Variants in ADAMTSL1 observed in about 807,000 individuals in gnomAD.
ADAMTSL1 encodes the protein ADAMTS-like protein 1.
Under a neutral mutation model 201.8 loss-of-function variants are expected in ADAMTSL1, and 126 were observed. The observed-to-expected ratio is 0.62, with a 90% CI of 0.54 to 0.72. The LOEUF (loss-of-function observed/expected upper bound fraction) is 0.72, where lower values mean the gene tolerates loss of function less well. Among genes scored for constraint, ADAMTSL1 ranks in the 30% least tolerant of loss-of-function variants. The pLI, the probability that ADAMTSL1 is intolerant of heterozygous loss-of-function variation, is 0.00. For missense variants in ADAMTSL1, 2,679 were observed against 2,277.8 expected (o/e 1.18, Z -3.59); for synonymous variants, 1,121 against 903.4 (o/e 1.24, Z -4.32).
chr9:18,044,173 G>C (rs1041961241), intron 1 of ADAMTSL1, among the ~76,000 whole-genome samples: 1 of 151,640 alleles, frequency 6.6e-6, no homozygotes, highest in African/African-American at 2.4e-5. Context: ...TTTGGTCAGA[G>C]GAAATTCACT....
chr9:18,675,365 C>G (rs906496098), intron 9 of ADAMTSL1, among the ~76,000 whole-genome samples: 3 of 152,122 alleles, frequency 2.0e-5, no homozygotes, highest in Non-Finnish European at 4.4e-5. Flanking sequence ...AGAGAAGAAA[C>G]CTAGCTAATG....
chr9:18,296,807 G>T (rs1235701567), intron 2 of ADAMTSL1, among the ~76,000 whole-genome samples: 2 of 152,156 alleles, frequency 1.3e-5, no homozygotes, highest in Non-Finnish European at 2.9e-5. Context: ...TGGCTCTCTT[G>T]TGGTTTCTCT....
At chr9:18,828,679 TA>T (rs1824765056) in intron 22 of ADAMTSL1, among the ~76,000 whole-genome samples, 1 of 114,520 alleles carries the variant, frequency 8.7e-6, no homozygotes, top group South Asian at 2.8e-4. Flanking sequence ...TATATATATA[TA>T]TATATATATA....
At chr9:18,309,734 A>G (rs1004222549) in intron 2 of ADAMTSL1, among the ~76,000 whole-genome samples, 4 of 152,094 alleles carry the variant, frequency 2.6e-5, no homozygotes, top group African/African-American at 9.7e-5. Context: ...GGAAGAATCA[A>G]TATCATGAAA....
intron 2 of ADAMTSL1, among the ~76,000 whole-genome samples, chr9:18,309,123 A>G (rs935901302): frequency 1.5e-4 from 23 of 151,798 alleles, no homozygotes; most frequent in Non-Finnish European, 2.4e-4. Context: ...AAAGCCTTGG[A>G]TAAAATTCAA....
rs147105316 is a variant in ADAMTSL1 at position 18,819,092 on chromosome 9, G to A, written c.3934+1855G>A. 9.1e-3 allele frequency among the ~76,000 whole-genome samples: 1,388 copies of A among 152,284 alleles called. 9 individuals carry two copies. Among genetic ancestry groups the A allele is most frequent in the Middle Eastern group, 0.037 (11 of 294 alleles). On this transcript the variant is annotated intron_variant, in intron 21 of 28. Coordinates refer to ENST00000380548, the MANE Select transcript of ADAMTSL1 (RefSeq NM_001040272.6). ...GATCACTATGGACACATGCTTTGGC[G>A]ATGAAACACTGGTGATATGATGGAC...
intron 1 of ADAMTSL1, among the ~76,000 whole-genome samples, chr9:18,120,933 C>G (rs980819581): frequency 6.6e-6 from 1 of 152,056 alleles, no homozygotes; most frequent in Non-Finnish European, 1.5e-5. Flanking sequence ...CCACCCTAAC[C>G]CCTTCCTATA....
At chr9:18,439,089 G>A (rs1015411627) in intron 2 of ADAMTSL1, among the ~76,000 whole-genome samples, 6 of 151,418 alleles carry the variant, frequency 4.0e-5, no homozygotes, top group African/African-American at 1.2e-4. Context: ...GTTGCATTCC[G>A]AAAGCATCTT....
At chr9:18,150,266 T>C (rs1371075963) in intron 1 of ADAMTSL1, among the ~76,000 whole-genome samples, 2 of 151,956 alleles carry the variant, frequency 1.3e-5, no homozygotes, top group Admixed American at 1.3e-4. Context: ...CTTTAAAGGA[T>C]GGGCAGGGGA....
intron 9 of ADAMTSL1, among the ~76,000 whole-genome samples, chr9:18,674,202 A>G (rs10119856): frequency 0.049 from 6,951 of 142,266 alleles, 436 homozygotes; most frequent in African/African-American, 0.16. Context: ...ACACAGGCAC[A>G]CACACACACA....
chr9:18,380,400 CAT>C (rs1033325998), intron 2 of ADAMTSL1, among the ~76,000 whole-genome samples: 3 of 152,102 alleles, frequency 2.0e-5, no homozygotes, highest in African/African-American at 7.2e-5. Flanking sequence ...AGAAATAAAA[CAT>C]ATTAAGGAAA....
At chr9:18,386,272 C>T (rs1379656499) in intron 2 of ADAMTSL1, among the ~76,000 whole-genome samples, 2 of 152,068 alleles carry the variant, frequency 1.3e-5, no homozygotes, top group East Asian at 3.9e-4. Context: ...TAAAGGGCAA[C>T]AAAACGACAA....
At chr9:17,952,212 C>T in intron 1 of ADAMTSL1, among the ~76,000 whole-genome samples, 1 of 151,734 alleles carries the variant, frequency 6.6e-6, no homozygotes, top group Non-Finnish European at 1.5e-5. Flanking sequence ...CCTCAGCCAC[C>T]CAAAGTGCTG....
chr9:18,836,735 G>A (rs539069325), intron 23 of ADAMTSL1, among the ~76,000 whole-genome samples: 1 of 152,290 alleles, frequency 6.6e-6, no homozygotes, highest in African/African-American at 2.4e-5. Flanking sequence ...CATAAGCACG[G>A]AATGCTTTTC....
In ADAMTSL1 at chr9:17,952,141, A is replaced by G. The variant is rs568639714; in HGVS notation, c.87+45219A>G. On this transcript the variant is annotated intron_variant, in intron 1 of 29. Transcript: ENST00000680146. ...TTTCTTTTTTTTTTTTTTTGTAAAG[A>G]TGGAATCTTGCTACGTTGCCCAGGC... Among the ~76,000 whole-genome samples, 669 of 146,224 alleles carry G rather than the reference A, an allele frequency of 4.6e-3. 5 individuals carry two copies. The highest frequency in any genetic ancestry group is 0.016 in the African/African-American group (628 of 39,602).
At chr9:18,689,072 A>G (rs1831052365) in intron 13 of ADAMTSL1, among the ~76,000 whole-genome samples, 1 of 152,074 alleles carries the variant, frequency 6.6e-6, no homozygotes, top group African/African-American at 2.4e-5. Flanking sequence ...ATATAGGAAT[A>G]GCTTTCTAGG....
At chr9:17,945,732 C>G (rs559403275) in intron 1 of ADAMTSL1, among the ~76,000 whole-genome samples, 1 of 149,214 alleles carries the variant, frequency 6.7e-6, no homozygotes, top group Non-Finnish European at 1.5e-5. Context: ...AACCAAACAC[C>G]GCATATTCTC....
chr9:18,133,785 G>A (rs1272383770), intron 1 of ADAMTSL1, among the ~76,000 whole-genome samples: 2 of 152,082 alleles, frequency 1.3e-5, no homozygotes, highest in African/African-American at 4.8e-5. Flanking sequence ...AATCATTATG[G>A]TATTGGGGTA....
intron 2 of ADAMTSL1, among the ~76,000 whole-genome samples, chr9:18,382,575 G>A (rs929617571): frequency 6.6e-6 from 1 of 151,926 alleles, no homozygotes; most frequent in African/African-American, 2.4e-5. Context: ...GAGTCTTCGA[G>A]TACAGCAAAG....
Sources: allele counts gnomAD v4.1 joint callset (sites outside exome capture counted in the v4.1 genomes callset), GRCh38; gene constraint gnomAD v4.1.1; transcripts MANE v1.5; gene names NCBI Gene and HGNC (gene_info 2026-07-23, HGNC 2026-07-21).